The following TACR1 variants were observed in gnomAD, a reference collection of about 807,000 sequenced individuals.
TACR1 encodes the protein substance-P receptor.
In TACR1, 25 loss-of-function variants were observed where a neutral mutation model predicts 35.8. That is an observed-to-expected ratio of 0.70 (90% confidence interval 0.51 to 0.98). TACR1 has a LOEUF of 0.98. TACR1 is among the 50% of genes least tolerant of loss of function. The pLI is 0.00. For synonymous variants in TACR1, 195 were observed against 206.7 expected (o/e 0.94, Z 0.48); for missense variants, 478 against 522.9 (o/e 0.91, Z 0.84).
intron 1 of TACR1, among the ~76,000 whole-genome samples, chr2:75,125,588 T>C (rs1268050573): frequency 6.6e-6 from 1 of 152,180 alleles, no homozygotes; most frequent in East Asian, 1.9e-4. Flanking sequence ...GAAAGTTTGG[T>C]TGCATAAATG....
chr2:75,178,129 CT>C (rs1204139322), intron 1 of TACR1, among the ~76,000 whole-genome samples: 2 of 152,082 alleles, frequency 1.3e-5, no homozygotes, highest in African/African-American at 4.8e-5. Context: ...CACTTAAAAC[CT>C]TTGCTCCTAC....
chr2:75,078,423 A>G lies in TACR1; in HGVS notation c.585-24668T>C, dbSNP rs1572915791. On this transcript the variant is annotated intron_variant, in intron 2 of 4. Coordinates refer to ENST00000305249, the MANE Select transcript of TACR1 (RefSeq NM_001058.4). ...ATGAGATGATTCATTTAAAGAGCCT[A>G]GCACAGTACCTGCCTCATGGTAGGA... 1.3e-5 allele frequency among the ~76,000 whole-genome samples: 2 copies of G among 152,334 alleles called. 1 individual carries two copies.
intron 2 of TACR1, among the ~76,000 whole-genome samples, chr2:75,085,117 G>A (rs1437675058): frequency 6.6e-6 from 1 of 151,948 alleles, no homozygotes; most frequent in African/African-American, 2.4e-5. Context: ...CAGAGATTCT[G>A]GTATGTTGTG....
chr2:75,156,772 T>C (rs1191428776), intron 1 of TACR1, among the ~76,000 whole-genome samples: 1 of 152,190 alleles, frequency 6.6e-6, no homozygotes, highest in Non-Finnish European at 1.5e-5. Flanking sequence ...CCCTAGGAAA[T>C]GAATATACTG....
At chr2:75,164,588 T>C (rs1675095762) in intron 1 of TACR1, among the ~76,000 whole-genome samples, 1 of 152,282 alleles carries the variant, frequency 6.6e-6, no homozygotes, top group African/African-American at 2.4e-5. Context: ...AATAATCTGT[T>C]GAATTACTTT....
chr2:75,076,274 C>T (rs1053705347), intron 2 of TACR1, among the ~76,000 whole-genome samples: 16 of 152,212 alleles, frequency 1.1e-4, no homozygotes, highest in Admixed American at 3.9e-4. Context: ...TGGCAGCTGG[C>T]GCTGTTTACT....
intron 2 of TACR1, among the ~76,000 whole-genome samples, chr2:75,115,240 G>A (rs570186461): frequency 4.6e-4 from 70 of 151,872 alleles, no homozygotes; most frequent in Non-Finnish European, 6.8e-4. Context: ...AAAGATGTTC[G>A]TCCCCACTCC....
chr2:75,116,306 C>A (rs1673857088), intron 2 of TACR1, among the ~76,000 whole-genome samples: 1 of 151,972 alleles, frequency 6.6e-6, no homozygotes, highest in Non-Finnish European at 1.5e-5. Context: ...CACCATGTTG[C>A]CCAGGCTGGT....
chr2:75,065,205 G>A (rs1672740935), intron 2 of TACR1, among the ~76,000 whole-genome samples: 1 of 152,232 alleles, frequency 6.6e-6, no homozygotes, highest in Admixed American at 6.5e-5. Flanking sequence ...AAAGCAGCAT[G>A]CATTTTATGA....
intron 1 of TACR1, among the ~76,000 whole-genome samples, chr2:75,170,205 A>G (rs6723410): frequency 0.92 from 139,863 of 152,214 alleles, 64,309 homozygotes; most frequent in East Asian, 0.93. Flanking sequence ...AGTCATGGGG[A>G]TGGGTCTTTC....
intron 3 of TACR1, 118 bp from the exon 4 acceptor site, chr2:75,051,565 A>C: frequency 6.6e-7 from 1 of 1,505,352 alleles, no homozygotes; most frequent in South Asian, 1.3e-5. Context: ...AAGTATTTAA[A>C]AGACGCCCCT....
intron 1 of TACR1, among the ~76,000 whole-genome samples, chr2:75,147,006 T>G (rs74826810): frequency 0.037 from 5,687 of 152,298 alleles, 340 homozygotes; most frequent in African/African-American, 0.13. Context: ...TTTACACTGA[T>G]GCAAACTAAG....
chr2:75,198,920 G>A lies in TACR1; in HGVS notation c.15C>T (p.Leu5=), dbSNP rs1676064022. MDNV[L]PVDSDLSPNI... ...TTGGGGAGAGGTCTGAGTCCACCGG[G>A]AGGACGTTATCCATTTCGAAGCTAG... The change falls in exon 1 of 5, where the codon CTC becomes CTT. Residue 5 remains leucine, a synonymous_variant. Coordinates refer to ENST00000305249, the MANE Select transcript of TACR1 (RefSeq NM_001058.4). The A allele has an allele frequency of 3.7e-6, 6 of 1,613,458 alleles. No individual in the cohort carries two copies. Among genetic ancestry groups the A allele is most frequent in the Non-Finnish European group, 4.2e-6 (5 of 1,180,014 alleles).
intron 1 of TACR1, among the ~76,000 whole-genome samples, chr2:75,186,103 G>A (rs1675688177): frequency 6.6e-6 from 1 of 152,170 alleles, no homozygotes; most frequent in Non-Finnish European, 1.5e-5. Flanking sequence ...GCCAGGCACT[G>A]TGGCTCACGC....
chr2:75,117,223 G>A (rs1289391609), intron 2 of TACR1, among the ~76,000 whole-genome samples: 1 of 151,928 alleles, frequency 6.6e-6, no homozygotes, highest in Non-Finnish European at 1.5e-5. Flanking sequence ...GTCTTTAATA[G>A]TGCTTAATTT....
chr2:75,065,531 C>T (rs1478450176), intron 2 of TACR1, among the ~76,000 whole-genome samples: 1 of 152,028 alleles, frequency 6.6e-6, no homozygotes, highest in African/African-American at 2.4e-5. Context: ...ATCGCATCGC[C>T]GCAGTGGAAG....
chr2:75,198,977 C>A lies in TACR1; in HGVS notation c.-43G>T, dbSNP rs200655774. On this transcript the variant is annotated 5_prime_UTR_variant, in exon 1 of 5. Coordinates refer to ENST00000305249, the MANE Select transcript of TACR1 (RefSeq NM_001058.4). ...AAGCCCTACTATCTGTACACAACCC[C>A]CCTCTGCAGCAGAGTCCTGTGGCTG... 6.3e-7 allele frequency: 1 copy of A among 1,590,608 alleles called. No homozygotes were observed. Among genetic ancestry groups the A allele is most frequent in the East Asian group, 2.2e-5 (1 of 44,592 alleles).
At chr2:75,074,636 C>T (rs6546952) in intron 2 of TACR1, among the ~76,000 whole-genome samples, 94,451 of 151,946 alleles carry the variant, frequency 0.62, 30,735 homozygotes, top group East Asian at 0.81. Context: ...AGTGAGAAAA[C>T]TCTTTCACTC....
chr2:75,187,501 G>C (rs1041130345), intron 1 of TACR1: 1 of 152,176 alleles, frequency 6.6e-6, no homozygotes, highest in South Asian at 2.1e-4. Flanking sequence ...ACAGTTCCGA[G>C]GTCTAAGTTT....
Sources: gnomAD v4.1 joint callset for allele counts (sites outside exome capture counted in the v4.1 genomes callset) on GRCh38, gnomAD v4.1.1 for gene constraint, MANE v1.5 for transcripts, NCBI Gene and HGNC (gene_info 2026-07-23, HGNC 2026-07-21) for gene names.